Variants in NXPH1 observed in about 807,000 individuals in gnomAD.
The protein encoded by NXPH1 is neurexophilin-1.
A neutral mutation model predicts 23.7 loss-of-function variants in NXPH1; 5 were observed. The observed-to-expected ratio is 0.21, with a 90% confidence interval of 0.11 to 0.44. The LOEUF (loss-of-function observed/expected upper bound fraction) is 0.44, where lower values mean the gene tolerates loss of function less well. NXPH1 is among the 20% of genes least tolerant of loss of function. The pLI is 0.99. For synonymous variants in NXPH1, 144 were observed against 122.2 expected (o/e 1.18, Z -1.18); for missense variants, 324 against 321.6 (o/e 1.01, Z -0.06).
intron 2 of NXPH1, among the ~76,000 whole-genome samples, chr7:8,552,114 C>CAAAA (rs34390317): frequency 2.1e-4 from 13 of 61,738 alleles, no homozygotes; most frequent in East Asian, 4.2e-4. Context: ...GAAAAAAAAC[C>CAAAA]AAAAAAAAAA....
intron 2 of NXPH1, among the ~76,000 whole-genome samples, chr7:8,617,463 AC>A (rs1359798867): frequency 6.6e-6 from 1 of 152,156 alleles, no homozygotes; most frequent in African/African-American, 2.4e-5. Context: ...ACAATGGAGT[AC>A]TATTCAGCCA....
At chr7:8,715,402 TG>T (rs994412173) in intron 2 of NXPH1, among the ~76,000 whole-genome samples, 28 of 152,270 alleles carry the variant, frequency 1.8e-4, no homozygotes, top group African/African-American at 6.5e-4. Context: ...TACTGGTTTT[TG>T]GTTCTTCTGA....
intron 2 of NXPH1, among the ~76,000 whole-genome samples, chr7:8,449,577 A>G (rs909922722): frequency 2.0e-5 from 3 of 152,166 alleles, no homozygotes; most frequent in Admixed American, 2.0e-4. Flanking sequence ...GGTTGATAAT[A>G]CCCATTTTAT....
chr7:8,509,180 A>T (rs540454638), intron 2 of NXPH1, among the ~76,000 whole-genome samples: 14 of 152,230 alleles, frequency 9.2e-5, no homozygotes, highest in African/African-American at 2.9e-4. Flanking sequence ...TGAACTGCAA[A>T]ACTTATATAT....
intron 2 of NXPH1, among the ~76,000 whole-genome samples, chr7:8,486,152 AT>A (rs1400233463): frequency 6.6e-6 from 1 of 152,158 alleles, no homozygotes; most frequent in African/African-American, 2.4e-5. Context: ...GGAGATTGTA[AT>A]TTTTATCTGC....
intron 2 of NXPH1, among the ~76,000 whole-genome samples, chr7:8,630,057 GA>G (rs1185329948): frequency 6.6e-6 from 1 of 151,994 alleles, no homozygotes; most frequent in Non-Finnish European, 1.5e-5. Flanking sequence ...TGGGTCTTAA[GA>G]AAAAAGCATA....
chr7:8,548,603 G>A (rs1223927737), intron 2 of NXPH1, among the ~76,000 whole-genome samples: 1 of 151,496 alleles, frequency 6.6e-6, no homozygotes, highest in African/African-American at 2.4e-5. Flanking sequence ...TCTCTGACAT[G>A]AGAAGGACTT....
intron 2 of NXPH1, among the ~76,000 whole-genome samples, chr7:8,542,962 C>T (rs1818143208): frequency 6.6e-6 from 1 of 151,528 alleles, no homozygotes; most frequent in African/African-American, 2.4e-5. Context: ...TTTATTTTCT[C>T]TTTGCATTGC....
chr7:8,710,516 G>A (rs1779771540), intron 2 of NXPH1, among the ~76,000 whole-genome samples: 1 of 152,046 alleles, frequency 6.6e-6, no homozygotes, highest in African/African-American at 2.4e-5. Context: ...TACTTTTTCA[G>A]GAAAACAAGA....
chr7:8,526,473 A>G (rs1817864144), intron 2 of NXPH1, among the ~76,000 whole-genome samples: 1 of 152,132 alleles, frequency 6.6e-6, no homozygotes, highest in Non-Finnish European at 1.5e-5. Context: ...TGGTTTTGAA[A>G]TGTGAGGATA....
At chr7:8,727,876 A>C (rs557916675) in intron 2 of NXPH1, among the ~76,000 whole-genome samples, 1 of 152,048 alleles carries the variant, frequency 6.6e-6, no homozygotes, top group East Asian at 1.9e-4. Context: ...TCTGTGAAGA[A>C]AGTCATTGGT....
rs114417653 is a variant in NXPH1, at chr7:8,682,365, A to T, written c.55-68643A>T. On this transcript the variant is annotated intron_variant, in intron 2 of 2. Coordinates refer to ENST00000405863, the MANE Select transcript of NXPH1 (RefSeq NM_152745.3). ...AGGAGAGTATGTGTTTTAAAAGCAC[A>T]CTAAAGGATTCTGATACACAGCTGA... is the stretch of plus-strand genomic sequence containing the variant. Among the ~76,000 whole-genome samples the T allele has an allele frequency of 6.8e-3, 1,034 of 152,354 alleles. 9 individuals carry two copies. Among genetic ancestry groups the T allele is most frequent in the African/African-American group, 0.024 (1,003 of 41,584 alleles).
At chr7:8,681,493 T>C (rs16874110) in intron 2 of NXPH1, among the ~76,000 whole-genome samples, 2,029 of 152,262 alleles carry the variant, frequency 0.013, 42 homozygotes, top group African/African-American at 0.047. Context: ...GGAAAGTCCA[T>C]GAGTTGGAAC....
chr7:8,676,343 C>G (rs772504742), intron 2 of NXPH1, among the ~76,000 whole-genome samples: 2 of 152,102 alleles, frequency 1.3e-5, no homozygotes, highest in Non-Finnish European at 2.9e-5. Flanking sequence ...CTTTAGTTGG[C>G]TTGTGTGTAT....
chr7:8,623,134 A>G (rs972152677), intron 2 of NXPH1, among the ~76,000 whole-genome samples: 1 of 152,134 alleles, frequency 6.6e-6, no homozygotes, highest in East Asian at 1.9e-4. Flanking sequence ...AGCTTGAGGA[A>G]GTCTTAAAGA....
chr7:8,558,799 C>T (rs1818399244), intron 2 of NXPH1, among the ~76,000 whole-genome samples: 2 of 151,674 alleles, frequency 1.3e-5, no homozygotes, highest in African/African-American at 4.8e-5. Context: ...AAACTGCCCA[C>T]CTTTCTTGCT....
intron 2 of NXPH1, among the ~76,000 whole-genome samples, chr7:8,683,912 G>A (rs1821098698): frequency 6.6e-6 from 1 of 152,110 alleles, no homozygotes; most frequent in Non-Finnish European, 1.5e-5. Context: ...ATAATTATAA[G>A]AATTCAGACT....
intron 2 of NXPH1, among the ~76,000 whole-genome samples, chr7:8,439,294 C>T (rs1203321534): frequency 6.6e-6 from 1 of 152,112 alleles, no homozygotes; most frequent in African/African-American, 2.4e-5. Context: ...GGGGTTCTAA[C>T]TTGAATCAGC....
intron 2 of NXPH1, among the ~76,000 whole-genome samples, chr7:8,539,708 TTAA>T (rs774620784): frequency 2.4e-4 from 36 of 151,808 alleles, no homozygotes; most frequent in Admixed American, 1.3e-3. Flanking sequence ...TGCACATGTA[TTAA>T]TAATATTACC....
Sources: gnomAD v4.1 joint callset for allele counts (sites outside exome capture counted in the v4.1 genomes callset) on GRCh38, gnomAD v4.1.1 for gene constraint, MANE v1.5 for transcripts, NCBI Gene and HGNC (gene_info 2026-07-23, HGNC 2026-07-21) for gene names.